Variants in FBRSL1 observed in about 807,000 individuals in gnomAD.
The protein encoded by FBRSL1 is fibrosin like 1.
In FBRSL1, 51 loss-of-function variants were observed where a neutral mutation model predicts 89.6. That is an observed-to-expected ratio of 0.57 (90% confidence interval 0.45 to 0.72). The LOEUF (loss-of-function observed/expected upper bound fraction) is 0.72, where lower values mean the gene tolerates loss of function less well. FBRSL1 is among the 30% of genes least tolerant of loss of function. The pLI, the probability that FBRSL1 is intolerant of heterozygous loss-of-function variation, is 0.00. For synonymous variants in FBRSL1, 779 were observed against 681.1 expected, an observed-to-expected ratio of 1.14 and a Z score of -2.24; for missense variants, 1,618 against 1,451.8, an observed-to-expected ratio of 1.11 and a Z score of -1.86.
At chr12:132,509,116 G>A (rs1285567208) in intron 2 of FBRSL1, 25 of 1,185,920 alleles carry the variant, frequency 2.1e-5, no homozygotes, top group African/African-American at 3.2e-5. Flanking sequence ...CGGGGGTTCC[G>A]CGGGCGGTGA....
chr12:132,573,988 A>C, intron 11 of FBRSL1, 102 bp from the exon 12 acceptor site: 1 of 766,080 alleles, frequency 1.3e-6, no homozygotes, highest in Non-Finnish European at 1.7e-6. Context: ...CCCCACGGCA[A>C]GGCAAAGCAG....
In FBRSL1 at chr12:132,571,183, C is replaced by T. The variant is rs906305891; in HGVS notation, c.1329C>T (p.His443=). 3.7e-5 allele frequency: 53 copies of T among 1,431,874 alleles called. No homozygotes were observed. Among genetic ancestry groups the T allele is most frequent in the African/African-American group, 1.4e-4 (10 of 69,458 alleles). The allele number at this position is 1,431,874 out of a possible 1,614,324, so 88.7% of individuals were successfully genotyped here. A position where few individuals can be genotyped will look rare whatever the true frequency, so the allele number is the denominator to read the frequency against. ...TCTTACCTGCACCCCTGGGCCCGCA[C>T]GTGGCGAGCGGCCACCCCGGCTTGG... is the stretch of plus-strand genomic sequence containing the variant. ...APLLPAPLGP[H]VASGHPGLAC... The change falls in exon 9 of 19, where the codon CAC becomes CAT. Residue 443 remains histidine, a synonymous_variant. Coordinates refer to ENST00000680143, the MANE Select transcript of FBRSL1 (RefSeq NM_001367871.1).
chr12:132,553,148 C>A (rs1463952281), intron 5 of FBRSL1: 1 of 152,236 alleles, frequency 6.6e-6, no homozygotes, highest in Non-Finnish European at 1.5e-5. Context: ...CCCATCCATT[C>A]TTCCCTAGGG....
chr12:132,551,832 T>C (rs7315075), intron 5 of FBRSL1: 3,883 of 343,082 alleles, frequency 0.011, 130 homozygotes, highest in African/African-American at 0.075. Flanking sequence ...CACTTTTTCC[T>C]TGGAAAAGTG....
intron 2 of FBRSL1, among the ~76,000 whole-genome samples, chr12:132,520,966 G>T (rs375001463): frequency 1.7e-4 from 26 of 152,324 alleles, no homozygotes; most frequent in African/African-American, 6.3e-4. Context: ...GTGGGGAAAT[G>T]GAGTGTTGTG....
intron 1 of FBRSL1, among the ~76,000 whole-genome samples, chr12:132,496,988 C>T (rs1223346746): frequency 5.3e-5 from 8 of 152,288 alleles, no homozygotes; most frequent in Admixed American, 2.0e-4. Flanking sequence ...GAACTCCGGA[C>T]GTGGCCCTGG....
rs541096266 is a variant in FBRSL1 at position 132,529,440 on chromosome 12, G to A, written c.615+1452G>A. ...TTGGCCACTTGGCTGGGTCACAGCA[G>A]GGGCTCAGCCAGGCCCTTTGCACCC... On this transcript the variant is annotated intron_variant, in intron 4 of 18. Transcript: ENST00000680143. 2.6e-5 allele frequency among the ~76,000 whole-genome samples: 4 copies of A among 152,264 alleles called. No individual in the cohort carries two copies. The South Asian group carries it at 8.3e-4, about 32-fold the overall frequency.
intron 2 of FBRSL1, among the ~76,000 whole-genome samples, chr12:132,520,228 A>G (rs1432404481): frequency 2.3e-5 from 3 of 131,548 alleles, no homozygotes; most frequent in South Asian, 5.0e-4. Context: ...CCCTCCTTGC[A>G]CCCTCCAGCA....
intron 5 of FBRSL1, among the ~76,000 whole-genome samples, chr12:132,560,496 G>C (rs1181273138): frequency 1.3e-5 from 2 of 151,922 alleles, no homozygotes; most frequent in African/African-American, 4.8e-5. Flanking sequence ...GAGCGTTGTG[G>C]GTGGCGCGCG....
At chr12:132,533,655 A>G (rs1318479785) in intron 4 of FBRSL1, among the ~76,000 whole-genome samples, 1 of 152,022 alleles carries the variant, frequency 6.6e-6, no homozygotes, top group East Asian at 1.9e-4. Flanking sequence ...TGCACTTACC[A>G]CCTGTCCCTC....
chr12:132,504,826 T>C (rs1340430179), intron 1 of FBRSL1, among the ~76,000 whole-genome samples: 1 of 152,110 alleles, frequency 6.6e-6, no homozygotes, highest in African/African-American at 2.4e-5. Context: ...CCTGTTTGTG[T>C]GGATTAGATA....
chr12:132,490,766 C>T lies in FBRSL1; in HGVS notation c.196C>T (p.Pro66Ser). The change falls in exon 1 of 19, where the codon CCC becomes TCC. Residue 66 changes from proline (P) to serine (S), a missense_variant. Transcript: ENST00000680143. ...GAAPAPRTAR[P>S]PRRRRRESSS... ...CGCCCCCGCGCCCCGCACCGCGCGT[C>T]CCCCGCGCCGCCGCCGCCGCGAGTC... 2 of 1,155,120 alleles carry T rather than the reference C, an allele frequency of 1.7e-6. No homozygotes were observed. Among genetic ancestry groups the T allele is most frequent in the East Asian group, 4.3e-5 (1 of 23,390 alleles). 71.6% of individuals were successfully genotyped at this position (1,155,120 alleles called of 1,614,324 possible). A position where few individuals can be genotyped will look rare whatever the true frequency, so the allele number is the denominator to read the frequency against.
At position 132,508,368 on chromosome 12, in the gene FBRSL1, C is replaced by A. The variant is rs559758400; in HGVS notation, c.489+18C>A. The A allele has an allele frequency of 2.8e-5, 36 of 1,294,378 alleles. No homozygotes were observed. In the South Asian group the frequency reaches 4.4e-4, roughly 16 times the overall value. 80.2% of individuals were successfully genotyped at this position (1,294,378 alleles called of 1,614,324 possible). On this transcript the variant is annotated intron_variant, in intron 2 of 18. Transcript: ENST00000680143. Reference sequence around the variant, plus strand: ...CCAAGCAGGTGAGCAGGTCCCTCCCCGACCGGAAGCTCTGCGGCGGGTCAG... The same window carrying A: ...CCAAGCAGGTGAGCAGGTCCCTCCCAGACCGGAAGCTCTGCGGCGGGTCAG...
At chr12:132,536,175 A>G (rs558391348) in intron 4 of FBRSL1, among the ~76,000 whole-genome samples, 13 of 141,594 alleles carry the variant, frequency 9.2e-5, no homozygotes, top group African/African-American at 2.2e-4. Flanking sequence ...TGTGTACACG[A>G]TGGTGTGTGA....
chr12:132,506,416 G>A (rs1043457756), intron 1 of FBRSL1, among the ~76,000 whole-genome samples: 1 of 152,128 alleles, frequency 6.6e-6, no homozygotes, highest in African/African-American at 2.4e-5. Context: ...TCTGTGCCCC[G>A]AGGGTACCAC....
chr12:132,516,793 G>A (rs1041385351), intron 2 of FBRSL1, among the ~76,000 whole-genome samples: 1 of 152,210 alleles, frequency 6.6e-6, no homozygotes, highest in Non-Finnish European at 1.5e-5. Context: ...GCTTGGCTTT[G>A]TTGTGGAATC....
At chr12:132,533,192 T>G (rs2036441089) in intron 4 of FBRSL1, among the ~76,000 whole-genome samples, 2 of 150,180 alleles carry the variant, frequency 1.3e-5, no homozygotes, top group South Asian at 4.3e-4. Context: ...AGCCTCTCCC[T>G]GGAGTCAGAG....
At chr12:132,559,948 C>T (rs1315279415) in intron 5 of FBRSL1, 2 of 147,842 alleles carry the variant, frequency 1.4e-5, no homozygotes, top group African/African-American at 2.4e-5. Flanking sequence ...CCCGCCCGCG[C>T]TCCCGCCTCC....
At chr12:132,576,675 C>G (rs945472982) in intron 14 of FBRSL1, 124 bp from the exon 15 acceptor site, 36 of 1,135,202 alleles carry the variant, frequency 3.2e-5, no homozygotes, top group Non-Finnish European at 4.2e-5. Context: ...CCCTTGAAAT[C>G]CATCCCACCT....
Sources: gnomAD v4.1 joint callset for allele counts (sites outside exome capture counted in the v4.1 genomes callset) on GRCh38, gnomAD v4.1.1 for gene constraint, MANE v1.5 for transcripts, NCBI Gene and HGNC (gene_info 2026-07-23, HGNC 2026-07-21) for gene names.